The following BRINP1 variants were observed in gnomAD, a reference collection of about 807,000 sequenced individuals.
BRINP1 encodes the protein BMP/retinoic acid inducible neural specific 1, also known as BMP/retinoic acid-inducible neural-specific protein 1.
A neutral mutation model predicts 72.9 loss-of-function variants in BRINP1; 17 were observed. The ratio of observed to expected loss-of-function variants is 0.23; its 90% CI spans 0.16 to 0.35. BRINP1 has a LOEUF of 0.35. Ranked by LOEUF, BRINP1 falls within the 10% of genes least tolerant of loss-of-function variation. The pLI is 1.00. For missense variants in BRINP1, 850 were observed against 1,001.6 expected, an observed-to-expected ratio of 0.85 and a Z score of 2.04; for synonymous variants, 418 against 378.5, an observed-to-expected ratio of 1.10 and a Z score of -1.21.
chr9:119,364,388 A>G (rs979598120), intron 1 of BRINP1, among the ~76,000 whole-genome samples: 4 of 152,228 alleles, frequency 2.6e-5, no homozygotes, highest in African/African-American at 9.6e-5. Flanking sequence ...CTGAATGGTC[A>G]TGTATTATTG....
At chr9:119,352,850 C>T (rs1407195855) in intron 1 of BRINP1, among the ~76,000 whole-genome samples, 1 of 152,212 alleles carries the variant, frequency 6.6e-6, no homozygotes, top group Non-Finnish European at 1.5e-5. Flanking sequence ...AACAGTATGA[C>T]TCTGACACTG....
chr9:119,213,583 C>T (rs1829950670), intron 6 of BRINP1: 1 of 511,620 alleles, frequency 2.0e-6, no homozygotes, highest in Admixed American at 3.6e-5. Flanking sequence ...TATCCACACA[C>T]ACATACACAG....
intron 6 of BRINP1, among the ~76,000 whole-genome samples, chr9:119,212,162 G>A (rs773527377): frequency 9.9e-5 from 15 of 152,034 alleles, no homozygotes; most frequent in African/African-American, 1.7e-4. Flanking sequence ...AATGGGTGTC[G>A]TTATAAGACA....
At position 119,269,362 on chromosome 9, in the gene BRINP1, T is replaced by A. The variant is rs143471648; in HGVS notation, c.219-20212A>T. Among the ~76,000 whole-genome samples, 7 of 152,300 alleles carry A rather than the reference T, an allele frequency of 4.6e-5. No homozygotes were observed. The East Asian group carries it at 1.2e-3, about 25-fold the overall frequency. Reference sequence around the variant, plus strand: ...GCTCGTGGAATGATTCACCCTCCCCTTCCTCAGGGACGTGAAGTGTTTTTA... The same window carrying A: ...GCTCGTGGAATGATTCACCCTCCCCATCCTCAGGGACGTGAAGTGTTTTTA... On this transcript the variant is annotated intron_variant, in intron 2 of 7. Transcript: ENST00000265922.
intron 5 of BRINP1, among the ~76,000 whole-genome samples, chr9:119,214,904 G>A (rs1829962985): frequency 6.6e-6 from 1 of 152,198 alleles, no homozygotes; most frequent in Non-Finnish European, 1.5e-5. Flanking sequence ...GAACTTGGAT[G>A]AATGGAGGTG....
chr9:119,219,660 AGAGAGAGAGAGAGAGAG>A (rs1830017926), intron 5 of BRINP1, among the ~76,000 whole-genome samples: 1 of 102,746 alleles, frequency 9.7e-6, no homozygotes, highest in Non-Finnish European at 1.9e-5. Context: ...AGAGAGAGAG[AGAGAGAGAGAGAGAGAG>A]AGAGAGAGAG....
At chr9:119,313,478 G>C in intron 1 of BRINP1, 73 bp from the exon 2 acceptor site, 25 of 1,307,298 alleles carry the variant, frequency 1.9e-5, no homozygotes, top group Non-Finnish European at 2.5e-5. Context: ...GGGAAGAGGA[G>C]TAAAAGAAAA....
chr9:119,198,643 C>A (rs2118859644), intron 7 of BRINP1, among the ~76,000 whole-genome samples: 1 of 151,372 alleles, frequency 6.6e-6, no homozygotes, highest in African/African-American at 2.4e-5. Flanking sequence ...TATCTAGGGT[C>A]TACTACTGCT....
chr9:119,249,860 G>GA (rs1564228584), intron 2 of BRINP1, among the ~76,000 whole-genome samples: 3 of 22,756 alleles, frequency 1.3e-4, no homozygotes, highest in Non-Finnish European at 2.4e-4. Flanking sequence ...GGAAGGGAGG[G>GA]AGGGAGGGAG....
intron 2 of BRINP1, among the ~76,000 whole-genome samples, chr9:119,259,910 G>T (rs1363636775): frequency 6.6e-6 from 1 of 152,070 alleles, no homozygotes; most frequent in Non-Finnish European, 1.5e-5. Context: ...TTTTTTCCCG[G>T]CAAGTAATAC....
chr9:119,359,197 A>G (rs1298291145), intron 1 of BRINP1, among the ~76,000 whole-genome samples: 1 of 152,022 alleles, frequency 6.6e-6, no homozygotes, highest in Non-Finnish European at 1.5e-5. Context: ...TACTATTATT[A>G]TTGTTGTTAT....
chr9:119,216,259 A>G (rs909671755), intron 5 of BRINP1, among the ~76,000 whole-genome samples: 5 of 152,296 alleles, frequency 3.3e-5, no homozygotes, highest in Admixed American at 2.0e-4. Flanking sequence ...TGCCTGTTGA[A>G]CCAGCATTGG....
At chr9:119,178,355 T>TCAA (rs1156982038) in intron 7 of BRINP1, among the ~76,000 whole-genome samples, 3 of 152,200 alleles carry the variant, frequency 2.0e-5, no homozygotes, top group Admixed American at 1.3e-4. Context: ...ATCCCCCAGG[T>TCAA]CAACAAACTT....
intron 2 of BRINP1, among the ~76,000 whole-genome samples, chr9:119,284,850 G>A (rs145061694): frequency 1.4e-3 from 218 of 152,212 alleles, no homozygotes; most frequent in East Asian, 0.013. Flanking sequence ...ATATATACAA[G>A]GGAGCCGGCT....
intron 2 of BRINP1, among the ~76,000 whole-genome samples, chr9:119,268,030 G>T (rs540566926): frequency 1.3e-5 from 2 of 152,088 alleles, no homozygotes; most frequent in Non-Finnish European, 2.9e-5. Flanking sequence ...ATCACCTGGG[G>T]TTAGGAGTTT....
chr9:119,318,844 GGT>G (rs56756136), intron 1 of BRINP1, among the ~76,000 whole-genome samples: 2,588 of 142,134 alleles, frequency 0.018, 38 homozygotes, highest in South Asian at 0.066. Context: ...AAATGTGTGG[GGT>G]GTGTGTGTGT....
chr9:119,252,154 A>C (rs1021640009), intron 2 of BRINP1, among the ~76,000 whole-genome samples: 2 of 152,096 alleles, frequency 1.3e-5, no homozygotes, highest in Non-Finnish European at 2.9e-5. Context: ...CCACATGGCA[A>C]GGAGCCGAGG....
intron 6 of BRINP1, among the ~76,000 whole-genome samples, chr9:119,211,675 GC>G (rs1280400570): frequency 1.3e-5 from 2 of 152,210 alleles, no homozygotes; most frequent in African/African-American, 2.4e-5. Context: ...GGGCTGAGTA[GC>G]GAAGGTTAAG....
chr9:119,170,752 A>C (rs1309480376), intron 7 of BRINP1, among the ~76,000 whole-genome samples: 1 of 131,628 alleles, frequency 7.6e-6, no homozygotes, highest in African/African-American at 3.4e-5. Context: ...TTACCCTCAA[A>C]GGGAAGCCCA....
Sources: allele counts gnomAD v4.1 joint callset (sites outside exome capture counted in the v4.1 genomes callset), GRCh38; gene constraint gnomAD v4.1.1; transcripts MANE v1.5; gene names NCBI Gene and HGNC (gene_info 2026-07-23, HGNC 2026-07-21).